The following TEX9 variants were observed in gnomAD, a reference collection of about 807,000 sequenced individuals.
TEX9 encodes testis expressed 9.
In TEX9, 74 loss-of-function variants were observed where a neutral mutation model predicts 59.6. The ratio of observed to expected loss-of-function variants is 1.24; its 90% CI spans 1.03 to 1.51. TEX9 has a LOEUF of 1.51. Ranked by LOEUF, TEX9 falls within the 40% of genes most tolerant of loss-of-function variation. The pLI, the probability that TEX9 is intolerant of heterozygous loss-of-function variation, is 0.00. For missense variants in TEX9, 522 were observed against 447.8 expected (o/e 1.17, Z -1.49); for synonymous variants, 186 against 152.2 (o/e 1.22, Z -1.64).
At chr15:56,375,008 A>G (rs147306110) in intron 3 of TEX9, among the ~76,000 whole-genome samples, 1 of 152,290 alleles carries the variant, frequency 6.6e-6, no homozygotes, top group African/African-American at 2.4e-5. Flanking sequence ...TGCAACAAAC[A>G]TGGAAGTGCA....
At chr15:56,391,932 A>C (rs749574870) in intron 7 of TEX9, among the ~76,000 whole-genome samples, 6 of 152,110 alleles carry the variant, frequency 3.9e-5, no homozygotes, top group Non-Finnish European at 8.8e-5. Flanking sequence ...CTTCTTATTA[A>C]CTCATTCTTT....
At chr15:56,319,864 A>T (rs2045863878) in intron 1 of TEX9, among the ~76,000 whole-genome samples, 1 of 152,174 alleles carries the variant, frequency 6.6e-6, no homozygotes, top group Non-Finnish European at 1.5e-5. Flanking sequence ...AGACTGGAGG[A>T]TGGGTAGGTT....
At chr15:56,307,696 C>T (rs2045515741) in intron 1 of TEX9, among the ~76,000 whole-genome samples, 1 of 152,048 alleles carries the variant, frequency 6.6e-6, no homozygotes, top group South Asian at 2.1e-4. Context: ...TTTTAATCAC[C>T]CCCAAAAGAA....
Position 56,295,768 on chromosome 15 carries a change from C to T in TEX9, c.-107+51490C>T, listed in dbSNP as rs76710472. Among the ~76,000 whole-genome samples, 296 of 152,276 alleles carry T rather than the reference C, an allele frequency of 1.9e-3. 7 individuals are homozygous for T. In the East Asian group the frequency reaches 0.045, roughly 23 times the overall value. On this transcript the variant is annotated intron_variant, in intron 1 of 5. Transcript: ENST00000560827. ...TTCTGCTCATTCCTCTGTGTTATCC[C>T]AGGCCATTTGACCGGATTTTTCCCT...
intron 1 of TEX9, among the ~76,000 whole-genome samples, chr15:56,276,838 T>C (rs2044679818): frequency 1.3e-5 from 2 of 152,086 alleles, no homozygotes; most frequent in South Asian, 4.1e-4. Context: ...TGCCAGCATC[T>C]GTTGCTTCCT....
intron 3 of TEX9, among the ~76,000 whole-genome samples, chr15:56,382,589 C>T (rs144802596): frequency 1.3e-5 from 2 of 152,202 alleles, no homozygotes; most frequent in African/African-American, 2.4e-5. Flanking sequence ...TGAATGCTGT[C>T]AGAACTGGGT....
intron 1 of TEX9, among the ~76,000 whole-genome samples, chr15:56,273,414 G>T (rs1165592145): frequency 6.6e-6 from 1 of 152,006 alleles, no homozygotes; most frequent in South Asian, 2.1e-4. Context: ...CTTTACAACA[G>T]TACACTCCAA....
intron 9 of TEX9, among the ~76,000 whole-genome samples, chr15:56,399,449 C>T (rs1016226749): frequency 5.3e-5 from 8 of 152,348 alleles, no homozygotes; most frequent in East Asian, 1.9e-4. Flanking sequence ...GTAAACAAAG[C>T]GGCCGGGAAG....
At chr15:56,434,503 A>G in intron 12 of TEX9, 1 of 1,193,500 alleles carries the variant, frequency 8.4e-7, no homozygotes, top group Non-Finnish European at 1.2e-6. Context: ...ATGAAATCAT[A>G]CAAACTGAAA....
At chr15:56,312,907 A>G (rs1596081208) in intron 1 of TEX9, among the ~76,000 whole-genome samples, 1 of 122,804 alleles carries the variant, frequency 8.1e-6, no homozygotes, top group Non-Finnish European at 1.7e-5. Context: ...CTTTGAAGCA[A>G]TTGTGAATGG....
chr15:56,272,034 C>T (rs7177582), intron 1 of TEX9, among the ~76,000 whole-genome samples: 8,865 of 151,882 alleles, frequency 0.058, 652 homozygotes, highest in East Asian at 0.37. Context: ...GTCGCAGCTA[C>T]TCGGGAGGCT....
At chr15:56,282,569 A>G (rs1349597360) in intron 1 of TEX9, among the ~76,000 whole-genome samples, 4 of 152,176 alleles carry the variant, frequency 2.6e-5, no homozygotes, top group Admixed American at 1.3e-4. Context: ...AAGAAATCTC[A>G]TTAGAATCCC....
chr15:56,374,604 A>G (rs2047342061), intron 3 of TEX9: 1 of 152,108 alleles, frequency 6.6e-6, no homozygotes. Context: ...TGACTATAAT[A>G]AACATGTTGT....
chr15:56,426,016 T>C (rs1464978886), intron 10 of TEX9, among the ~76,000 whole-genome samples: 1 of 152,212 alleles, frequency 6.6e-6, no homozygotes, highest in Non-Finnish European at 1.5e-5. Flanking sequence ...TCACTACTTC[T>C]TCTCAGAGAT....
chr15:56,355,612 C>G (rs2046669636), intron 1 of TEX9, among the ~76,000 whole-genome samples: 1 of 152,096 alleles, frequency 6.6e-6, no homozygotes, highest in South Asian at 2.1e-4. Flanking sequence ...GTCTTTCCAT[C>G]TAATTTTAGA....
chr15:56,299,364 C>T (rs559006778), intron 1 of TEX9, among the ~76,000 whole-genome samples: 1 of 152,186 alleles, frequency 6.6e-6, no homozygotes, highest in Non-Finnish European at 1.5e-5. Context: ...GGGAATTGCC[C>T]ATCCCAGTGG....
At chr15:56,423,393 G>A (rs1250784587) in intron 10 of TEX9, among the ~76,000 whole-genome samples, 6 of 152,016 alleles carry the variant, frequency 3.9e-5, no homozygotes, top group African/African-American at 9.7e-5. Context: ...CCAGTTTTCC[G>A]TCCGCTGTTG....
At chr15:56,321,309 C>G (rs760800405) in intron 1 of TEX9, among the ~76,000 whole-genome samples, 31 of 152,170 alleles carry the variant, frequency 2.0e-4, no homozygotes, top group Admixed American at 6.5e-5. Context: ...GCACAGAATA[C>G]TCAGGTTAAG....
chr15:56,440,839 C>G (rs1050588422), intron 12 of TEX9, among the ~76,000 whole-genome samples: 1 of 152,060 alleles, frequency 6.6e-6, no homozygotes, highest in African/African-American at 2.4e-5. Flanking sequence ...AGCTGAATAA[C>G]ATTTTATTAC....
Sources: allele counts gnomAD v4.1 joint callset (sites outside exome capture counted in the v4.1 genomes callset), GRCh38; gene constraint gnomAD v4.1.1; transcripts MANE v1.5; gene names NCBI Gene and HGNC (gene_info 2026-07-23, HGNC 2026-07-21).